Variants in RPS6KC1 observed in about 807,000 individuals in gnomAD.
RPS6KC1 encodes ribosomal protein S6 kinase C1.
In RPS6KC1, 54 loss-of-function variants were observed where a neutral mutation model predicts 103.8. The ratio of observed to expected loss-of-function variants is 0.52; its 90% CI spans 0.42 to 0.65. The LOEUF is 0.65. Among genes scored for constraint, RPS6KC1 ranks in the 30% least tolerant of loss-of-function variants. RPS6KC1 has a pLI of 0.00. For missense variants in RPS6KC1, 1,151 were observed against 1,253.8 expected, an observed-to-expected ratio of 0.92 and a Z score of 1.24; for synonymous variants, 439 against 438.7, an observed-to-expected ratio of 1.00 and a Z score of -0.01.
chr1:213,487,179 G>C, the RPS6KC1 span, among the ~76,000 whole-genome samples: 1 of 152,198 alleles, frequency 6.6e-6, no homozygotes, highest in South Asian at 2.1e-4. Flanking sequence ...AAGGCGGGTA[G>C]ATCACTTGAG....
Position 213,098,916 on chromosome 1 carries a change from T to C in RPS6KC1, c.263-5538T>C, listed in dbSNP as rs538095632. On this transcript the variant is annotated intron_variant, in intron 3 of 14. Coordinates refer to ENST00000366960, the MANE Select transcript of RPS6KC1 (RefSeq NM_012424.6). ...TAAGATGAGGTATATAATATTGCAC[T>C]GTAAACCTCGGGAAAAATTTGTTTT... 1.1e-4 allele frequency among the ~76,000 whole-genome samples: 16 copies of C among 152,342 alleles called. No individual in the cohort carries two copies. In the South Asian group the frequency reaches 3.3e-3, roughly 32 times the overall value.
the RPS6KC1 span, among the ~76,000 whole-genome samples, chr1:213,506,745 T>C: frequency 6.6e-6 from 1 of 152,208 alleles, no homozygotes; most frequent in African/African-American, 2.4e-5. Context: ...GATTCTTAAT[T>C]AGCTAGCTAG....
intron 1 of RPS6KC1, among the ~76,000 whole-genome samples, chr1:213,056,847 C>A (rs1310886865): frequency 6.6e-6 from 1 of 150,762 alleles, no homozygotes; most frequent in Non-Finnish European, 1.5e-5. Context: ...ACCCTGTGTT[C>A]CGGGAAGCTT....
the RPS6KC1 span, among the ~76,000 whole-genome samples, chr1:213,685,939 AT>A: frequency 2.6e-5 from 4 of 151,926 alleles, no homozygotes; most frequent in Admixed American, 6.6e-5. Context: ...TGCCTCAGTG[AT>A]TTTTTTTTGT....
At chr1:213,666,228 C>A in the RPS6KC1 span, among the ~76,000 whole-genome samples, 1 of 152,108 alleles carries the variant, frequency 6.6e-6, no homozygotes, top group African/African-American at 2.4e-5. Flanking sequence ...CTCACAAAAA[C>A]CCTCAGAAGT....
chr1:213,688,564 A>G, the RPS6KC1 span, among the ~76,000 whole-genome samples: 1 of 152,180 alleles, frequency 6.6e-6, no homozygotes, highest in Non-Finnish European at 1.5e-5. Flanking sequence ...GAAAATTGGC[A>G]AGTTGCTAGA....
chr1:213,514,273 A>G, the RPS6KC1 span, among the ~76,000 whole-genome samples: 2 of 152,144 alleles, frequency 1.3e-5, no homozygotes, highest in African/African-American at 2.4e-5. Context: ...GTACATGTGC[A>G]CAACGTGCAG....
chr1:213,236,502 A>G (rs916672326), intron 10 of RPS6KC1, among the ~76,000 whole-genome samples: 1 of 152,204 alleles, frequency 6.6e-6, no homozygotes, highest in African/African-American at 2.4e-5. Context: ...AGGCTATATC[A>G]GTCAGGATTT....
At chr1:213,143,420 C>G (rs1254239108) in intron 6 of RPS6KC1, among the ~76,000 whole-genome samples, 1 of 151,298 alleles carries the variant, frequency 6.6e-6, no homozygotes, top group Non-Finnish European at 1.5e-5. Context: ...TAACTTTTAA[C>G]TTTTATTTTG....
chr1:213,727,371 TCA>T, the RPS6KC1 span, among the ~76,000 whole-genome samples: 2 of 152,140 alleles, frequency 1.3e-5, no homozygotes, highest in Non-Finnish European at 2.9e-5. Context: ...AATGTGGAAG[TCA>T]TCAGAGGTAA....
At chr1:213,587,467 G>T in the RPS6KC1 span, among the ~76,000 whole-genome samples, 23 of 152,188 alleles carry the variant, frequency 1.5e-4, no homozygotes, top group Non-Finnish European at 2.6e-4. Context: ...AAGATGAAGG[G>T]TTTTCATTGG....
chr1:213,841,860 C>T, the RPS6KC1 span, among the ~76,000 whole-genome samples: 1 of 152,170 alleles, frequency 6.6e-6, no homozygotes. Context: ...AATCACTTCC[C>T]TTGGAATTTC....
the RPS6KC1 span, among the ~76,000 whole-genome samples, chr1:213,797,657 C>T: frequency 4.6e-5 from 7 of 152,208 alleles, no homozygotes; most frequent in Non-Finnish European, 1.5e-5. Context: ...GCAAAGAGGG[C>T]TCAACTTCAA....
chr1:213,322,151 C>CA, the RPS6KC1 span, among the ~76,000 whole-genome samples: 1 of 152,056 alleles, frequency 6.6e-6, no homozygotes, highest in African/African-American at 2.4e-5. Context: ...ACTAAAAATA[C>CA]AAAAATTAGC....
intron 6 of RPS6KC1, among the ~76,000 whole-genome samples, chr1:213,153,793 T>C (rs1428066533): frequency 6.6e-6 from 1 of 152,242 alleles, no homozygotes; most frequent in Non-Finnish European, 1.5e-5. Flanking sequence ...TTTGTTTGTC[T>C]GGGAAGGTGT....
chr1:213,742,118 G>A, the RPS6KC1 span, among the ~76,000 whole-genome samples: 74,288 of 151,944 alleles, frequency 0.49, 18,867 homozygotes, highest in East Asian at 0.82. Context: ...TGTTCTCCAC[G>A]AGTGCTCCTA....
At chr1:213,390,869 G>C in the RPS6KC1 span, among the ~76,000 whole-genome samples, 23 of 152,218 alleles carry the variant, frequency 1.5e-4, 1 homozygote, top group Admixed American at 9.8e-4. Context: ...TTATGTTCTG[G>C]GGAGGCAAAG....
At chr1:213,188,433 TCTTA>T (rs2092621211) in intron 8 of RPS6KC1, among the ~76,000 whole-genome samples, 1 of 152,074 alleles carries the variant, frequency 6.6e-6, no homozygotes, top group African/African-American at 2.4e-5. Context: ...TTTGTTTTTT[TCTTA>T]CTTCTCCACG....
the RPS6KC1 span, among the ~76,000 whole-genome samples, chr1:213,710,867 G>T: frequency 6.6e-6 from 1 of 152,188 alleles, no homozygotes; most frequent in Non-Finnish European, 1.5e-5. Context: ...GGCTTGTAGG[G>T]TTTATGCAGA....
Sources: gnomAD v4.1 joint callset for allele counts (sites outside exome capture counted in the v4.1 genomes callset) on GRCh38, gnomAD v4.1.1 for gene constraint, MANE v1.5 for transcripts, NCBI Gene and HGNC (gene_info 2026-07-23, HGNC 2026-07-21) for gene names.